MAGI2: variants seen among roughly 807,000 people sequenced by gnomAD.
MAGI2 encodes membrane associated guanylate kinase, WW and PDZ domain containing 2.
In MAGI2, 35 loss-of-function variants were observed where a neutral mutation model predicts 133.3. The ratio of observed to expected loss-of-function variants is 0.26; its 90% CI spans 0.20 to 0.35. The LOEUF is 0.35. Ranked by LOEUF, MAGI2 falls within the 10% of genes least tolerant of loss-of-function variation. The pLI is 1.00. For synonymous variants in MAGI2, 729 were observed against 710.6 expected, an observed-to-expected ratio of 1.03 and a Z score of -0.41; for missense variants, 1,636 against 1,863.4, an observed-to-expected ratio of 0.88 and a Z score of 2.25.
At chr7:79,029,871 T>C (rs1455877286) in intron 1 of MAGI2, among the ~76,000 whole-genome samples, 1 of 152,156 alleles carries the variant, frequency 6.6e-6, no homozygotes, top group Non-Finnish European at 1.5e-5. Context: ...TTTACTCTGG[T>C]CTCTTGATTT....
intron 1 of MAGI2, among the ~76,000 whole-genome samples, chr7:79,331,326 T>C (rs1375287421): frequency 3.9e-5 from 6 of 152,172 alleles, no homozygotes; most frequent in Admixed American, 1.3e-4. Flanking sequence ...TTTTTATGTA[T>C]TCCATGTATT....
chr7:78,732,160 G>GT (rs1821425773), intron 2 of MAGI2, among the ~76,000 whole-genome samples: 1 of 152,134 alleles, frequency 6.6e-6, no homozygotes, highest in Admixed American at 6.5e-5. Flanking sequence ...CCGTCCTGCT[G>GT]TTTATGTTGT....
intron 6 of MAGI2, among the ~76,000 whole-genome samples, chr7:78,409,320 G>A (rs1797661030): frequency 6.6e-6 from 1 of 152,024 alleles, no homozygotes; most frequent in Non-Finnish European, 1.5e-5. Context: ...ATGCCTGAAA[G>A]AATGAGCAAG....
intron 9 of MAGI2, among the ~76,000 whole-genome samples, chr7:78,321,761 T>G (rs943307932): frequency 6.6e-6 from 1 of 152,096 alleles, no homozygotes; most frequent in African/African-American, 2.4e-5. Context: ...AAAGCCCAAA[T>G]TGACAAATGG....
intron 16 of MAGI2, among the ~76,000 whole-genome samples, chr7:78,142,310 C>T (rs548996475): frequency 6.6e-6 from 1 of 152,216 alleles, no homozygotes; most frequent in African/African-American, 2.4e-5. Flanking sequence ...GTATTTCTTC[C>T]TTGCGCCACT....
intron 7 of MAGI2, among the ~76,000 whole-genome samples, chr7:78,346,894 G>A (rs977028469): frequency 1.2e-4 from 19 of 152,188 alleles, no homozygotes; most frequent in African/African-American, 4.3e-4. Context: ...CAAGCATGAA[G>A]AGGAGAGAAG....
intron 1 of MAGI2, among the ~76,000 whole-genome samples, chr7:79,374,296 A>G (rs1285197706): frequency 6.6e-6 from 1 of 150,962 alleles, no homozygotes; most frequent in Non-Finnish European, 1.5e-5. Flanking sequence ...TGGTAGCCTT[A>G]TCAAAGGGGA....
At chr7:79,200,278 A>T (rs887946137) in intron 1 of MAGI2, among the ~76,000 whole-genome samples, 1 of 151,916 alleles carries the variant, frequency 6.6e-6, no homozygotes, top group Non-Finnish European at 1.5e-5. Flanking sequence ...CTTACATGCA[A>T]CAAAAAGTTG....
chr7:78,071,435 G>A (rs1336926838), intron 21 of MAGI2, among the ~76,000 whole-genome samples: 1 of 152,176 alleles, frequency 6.6e-6, no homozygotes. Flanking sequence ...TACTCAGGAG[G>A]CTGAAGCAGG....
intron 1 of MAGI2, among the ~76,000 whole-genome samples, chr7:79,367,462 A>G (rs1414174487): frequency 1.3e-5 from 2 of 152,178 alleles, no homozygotes; most frequent in East Asian, 3.9e-4. Flanking sequence ...GCAGAGAGTT[A>G]AAGCACAAAG....
intron 2 of MAGI2, among the ~76,000 whole-genome samples, chr7:78,916,739 T>C (rs1314841365): frequency 1.3e-5 from 2 of 152,122 alleles, no homozygotes; most frequent in East Asian, 3.9e-4. Flanking sequence ...CCTGTCAGTG[T>C]ACCTGTAAAA....
chr7:78,928,675 A>G (rs1166638153), intron 2 of MAGI2, among the ~76,000 whole-genome samples: 1 of 152,096 alleles, frequency 6.6e-6, no homozygotes, highest in Non-Finnish European at 1.5e-5. Context: ...TAAAATGGGT[A>G]TGATGCTTCT....
chr7:79,294,566 A>C (rs933224485), intron 1 of MAGI2, among the ~76,000 whole-genome samples: 4 of 152,062 alleles, frequency 2.6e-5, no homozygotes, highest in Non-Finnish European at 5.9e-5. Flanking sequence ...TGGCTGTCTC[A>C]GTGAAGTCAC....
Position 79,235,212 on chromosome 7 carries a change from A to C in MAGI2, c.301+217808T>G, listed in dbSNP as rs921769904. On this transcript the variant is annotated intron_variant, in intron 1 of 21. Transcript: ENST00000354212. ...CTCTCTTCAAAGCTGTCAGACAGGG[A>C]CATTTAAGTCTGCAGAGGTTACTGC... Among the ~76,000 whole-genome samples the C allele has an allele frequency of 1.4e-4, 21 of 152,236 alleles. No individual in the cohort carries two copies. In the South Asian group the frequency reaches 2.1e-3, roughly 15 times the overall value.
chr7:79,284,640 C>T (rs182828211), intron 1 of MAGI2, among the ~76,000 whole-genome samples: 277 of 152,122 alleles, frequency 1.8e-3, no homozygotes, highest in African/African-American at 6.3e-3. Context: ...AATAGGTTAT[C>T]TTTGAGAACT....
At position 79,324,669 on chromosome 7, in the gene MAGI2, AATATATATATATTATATATATATAAAAT is replaced by A. The variant is rs1839530412; in HGVS notation, c.301+128323_301+128350del. Among the ~76,000 whole-genome samples the A allele has an allele frequency of 3.4e-3, 28 of 8,178 alleles. 9 individuals are homozygous for A. The highest frequency in any genetic ancestry group is 6.6e-3 in the East Asian group (2 of 302). The allele number at this position is 8,178 out of a possible 152,430, so 5.4% of individuals were successfully genotyped here. ...ATATATATATATTATATATATATAA[AATATATATATATTATATATATATAAAAT>A]ATATATATATTATATATGTATATAA... On this transcript the variant is annotated intron_variant, in intron 1 of 21. Transcript: ENST00000354212.
At chr7:79,062,137 T>C (rs1003882791) in intron 1 of MAGI2, among the ~76,000 whole-genome samples, 4 of 152,134 alleles carry the variant, frequency 2.6e-5, no homozygotes, top group African/African-American at 7.2e-5. Context: ...TACAGGCTCA[T>C]GATTCATTTT....
At chr7:78,269,588 G>A (rs935170865) in intron 9 of MAGI2, among the ~76,000 whole-genome samples, 2 of 152,150 alleles carry the variant, frequency 1.3e-5, no homozygotes, top group African/African-American at 4.8e-5. Flanking sequence ...CTTCTTTTGA[G>A]AAGTGGCTAT....
intron 7 of MAGI2, among the ~76,000 whole-genome samples, chr7:78,350,736 T>C (rs1791418591): frequency 6.6e-6 from 1 of 152,132 alleles, no homozygotes; most frequent in Non-Finnish European, 1.5e-5. Context: ...TTCTTCATTG[T>C]GGAGAGGAAA....
Sources: gnomAD v4.1 joint callset for allele counts (sites outside exome capture counted in the v4.1 genomes callset) on GRCh38, gnomAD v4.1.1 for gene constraint, MANE v1.5 for transcripts, NCBI Gene and HGNC (gene_info 2026-07-23, HGNC 2026-07-21) for gene names.